Variants in NYAP2 observed in about 807,000 individuals in gnomAD.
The protein encoded by NYAP2 is neuronal tyrosine-phosphorylated phosphoinositide-3-kinase adapter 2.
Under a neutral mutation model 50.4 loss-of-function variants are expected in NYAP2, and 23 were observed. That is an observed-to-expected ratio of 0.46 (90% CI 0.33 to 0.65). The LOEUF (loss-of-function observed/expected upper bound fraction) is 0.65, where lower values mean the gene tolerates loss of function less well. Among genes scored for constraint, NYAP2 ranks in the 30% least tolerant of loss-of-function variants. The pLI is 0.02. For synonymous variants in NYAP2, 394 were observed against 365.2 expected, an observed-to-expected ratio of 1.08 and a Z score of -0.90; for missense variants, 885 against 861.0, an observed-to-expected ratio of 1.03 and a Z score of -0.35.
At chr2:225,407,892 A>T (rs1694968074) in intron 2 of NYAP2, among the ~76,000 whole-genome samples, 1 of 151,884 alleles carries the variant, frequency 6.6e-6, no homozygotes, top group Non-Finnish European at 1.5e-5. Context: ...TATCCATTTG[A>T]CATTACTATT....
the NYAP2 span, among the ~76,000 whole-genome samples, chr2:225,672,084 A>T: frequency 6.6e-6 from 1 of 152,024 alleles, no homozygotes; most frequent in African/African-American, 2.4e-5. Flanking sequence ...ATTGGCTTCA[A>T]CTTAAAGTCA....
At chr2:225,402,073 G>C (rs1694872393) in intron 2 of NYAP2, among the ~76,000 whole-genome samples, 1 of 151,990 alleles carries the variant, frequency 6.6e-6, no homozygotes, top group Non-Finnish European at 1.5e-5. Context: ...GTCCACAAAT[G>C]CAGAAATTAT....
chr2:225,581,094 T>C (rs1241022773), intron 4 of NYAP2, among the ~76,000 whole-genome samples: 1 of 152,210 alleles, frequency 6.6e-6, no homozygotes. Flanking sequence ...CAATAAAGGG[T>C]CTTCCAGCAG....
In NYAP2 at chr2:225,499,072, A is replaced by C. The variant is rs1690555663; in HGVS notation, c.222-14299A>C. Among the ~76,000 whole-genome samples, 3 of 142,352 alleles carry C rather than the reference A, an allele frequency of 2.1e-5. No homozygotes were observed. In the East Asian group the frequency reaches 6.3e-4, roughly 30 times the overall value. The allele number at this position is 142,352 out of a possible 152,430, so 93.4% of individuals were successfully genotyped here. A position where few individuals can be genotyped will look rare whatever the true frequency, so the allele number is the denominator to read the frequency against. On this transcript the variant is annotated intron_variant, in intron 3 of 6. Transcript: ENST00000636099. Reference sequence around the variant, plus strand: ...AAAGACAACCACAGAAAAATCATAAAAGGGGAAACAGAACTTTGACCTACA... The same window carrying C: ...AAAGACAACCACAGAAAAATCATAACAGGGGAAACAGAACTTTGACCTACA...
At chr2:225,409,054 G>A in exon 3 of NYAP2, 1 of 1,611,170 alleles carries the variant, frequency 6.2e-7, no homozygotes, top group Non-Finnish European at 8.5e-7. Context: ...TAGCCTATTT[G>A]AAAGAGAAGA....
intron 3 of NYAP2, among the ~76,000 whole-genome samples, chr2:225,443,066 A>T (rs1689495410): frequency 6.6e-6 from 1 of 152,144 alleles, no homozygotes; most frequent in South Asian, 2.1e-4. Flanking sequence ...CAGCACAGGA[A>T]AAGCCTGCCC....
intron 6 of NYAP2, among the ~76,000 whole-genome samples, chr2:225,647,946 T>TTA (rs1267179506): frequency 6.1e-5 from 9 of 147,634 alleles, no homozygotes; most frequent in Non-Finnish European, 8.9e-5. Flanking sequence ...GTAGATCAAA[T>TTA]TATATATATA....
the NYAP2 span, chr2:225,700,680 T>G: frequency 6.6e-6 from 1 of 151,802 alleles, no homozygotes; most frequent in Admixed American, 6.6e-5. Context: ...ATTCTCAGCA[T>G]GTCTATGATT....
At chr2:225,460,745 A>G (rs1198703270) in intron 3 of NYAP2, among the ~76,000 whole-genome samples, 1 of 152,194 alleles carries the variant, frequency 6.6e-6, no homozygotes, top group Admixed American at 6.5e-5. Flanking sequence ...CTCCTGTTGG[A>G]TGAATTCATT....
chr2:225,659,381 G>T, the NYAP2 span, among the ~76,000 whole-genome samples: 2 of 152,150 alleles, frequency 1.3e-5, no homozygotes, highest in African/African-American at 2.4e-5. Flanking sequence ...CACCTCTCAT[G>T]TGCTTACCAT....
chr2:225,639,267 A>T (rs1693482775), intron 6 of NYAP2, among the ~76,000 whole-genome samples: 1 of 152,170 alleles, frequency 6.6e-6, no homozygotes, highest in South Asian at 2.1e-4. Flanking sequence ...AATTTTTAAA[A>T]ATTGCTCTAA....
intron 3 of NYAP2, among the ~76,000 whole-genome samples, chr2:225,458,290 G>A (rs753481669): frequency 2.5e-4 from 38 of 152,158 alleles, no homozygotes; most frequent in South Asian, 1.2e-3. Context: ...GGTTGAGGCT[G>A]AAGTGAGCCA....
At chr2:225,468,512 A>G (rs1239336128) in intron 3 of NYAP2, among the ~76,000 whole-genome samples, 1 of 152,208 alleles carries the variant, frequency 6.6e-6, no homozygotes, top group African/African-American at 2.4e-5. Flanking sequence ...GGAAAGAAAT[A>G]CAGTCATTCA....
intron 3 of NYAP2, among the ~76,000 whole-genome samples, chr2:225,453,645 T>TTTTG (rs147387080): frequency 0.044 from 6,735 of 152,002 alleles, 164 homozygotes; most frequent in Middle Eastern, 0.1. Flanking sequence ...TATCAAGTTT[T>TTTTG]TTTGTTTGTT....
chr2:225,456,470 G>C (rs1423294180), intron 3 of NYAP2, among the ~76,000 whole-genome samples: 2 of 152,176 alleles, frequency 1.3e-5, no homozygotes, highest in African/African-American at 4.8e-5. Context: ...AACACAAAAA[G>C]CAACTCAACA....
intron 3 of NYAP2, among the ~76,000 whole-genome samples, chr2:225,425,988 T>TGCC: frequency 1.3e-5 from 2 of 152,026 alleles, no homozygotes; most frequent in African/African-American, 4.8e-5. Context: ...AAGGGTAAGC[T>TGCC]CAAGTTTAAA....
chr2:225,672,936 A>G, the NYAP2 span, among the ~76,000 whole-genome samples: 3 of 152,036 alleles, frequency 2.0e-5, no homozygotes, highest in Non-Finnish European at 4.4e-5. Context: ...CATCAAAGGC[A>G]ATCACAGATC....
the NYAP2 span, among the ~76,000 whole-genome samples, chr2:225,683,052 A>T: frequency 1.3e-5 from 2 of 151,998 alleles, no homozygotes; most frequent in African/African-American, 2.4e-5. Flanking sequence ...TCCCAGTATT[A>T]TTCCTCTGTT....
At chr2:225,548,484 T>A (rs7573814) in intron 4 of NYAP2, among the ~76,000 whole-genome samples, 140,187 of 151,824 alleles carry the variant, frequency 0.92, 64,814 homozygotes, top group Middle Eastern at 0.99. Flanking sequence ...CCCACTATCC[T>A]ATTACATAAT....
Sources: gnomAD v4.1 joint callset for allele counts (sites outside exome capture counted in the v4.1 genomes callset) on GRCh38, gnomAD v4.1.1 for gene constraint, MANE v1.5 for transcripts, NCBI Gene and HGNC (gene_info 2026-07-23, HGNC 2026-07-21) for gene names.